CNTN4: variants seen among roughly 807,000 people sequenced by gnomAD.
CNTN4 encodes the protein contactin 4.
Under a neutral mutation model 122.5 loss-of-function variants are expected in CNTN4, and 77 were observed. The observed-to-expected ratio is 0.63, with a 90% CI of 0.52 to 0.76. The LOEUF (loss-of-function observed/expected upper bound fraction) is 0.76, where lower values mean the gene tolerates loss of function less well. Among genes scored for constraint, CNTN4 ranks in the 30% least tolerant of loss-of-function variants. The pLI is 0.00. For synonymous variants in CNTN4, 512 were observed against 447.0 expected, an observed-to-expected ratio of 1.15 and a Z score of -1.83; for missense variants, 1,256 against 1,259.1, an observed-to-expected ratio of 1.00 and a Z score of 0.04.
In CNTN4 at chr3:2,364,597, G is replaced by A. The variant is rs1283922263; in HGVS notation, c.-89+25364G>A. Among the ~76,000 whole-genome samples, 7 of 151,854 alleles carry A rather than the reference G, an allele frequency of 4.6e-5. No homozygotes were observed. The South Asian group carries it at 1.0e-3, about 23-fold the overall frequency. On this transcript the variant is annotated intron_variant, in intron 3 of 24. Coordinates refer to ENST00000418658, the MANE Select transcript of CNTN4 (RefSeq NM_175607.3). ...TCTCTTTTAATCTAGTTGAGTCCCC[G>A]GAGAACAGTTAAATAGTTATAGTGC...
intron 7 of CNTN4, among the ~76,000 whole-genome samples, chr3:2,831,432 C>T (rs1233469919): frequency 6.6e-6 from 1 of 152,176 alleles, no homozygotes; most frequent in Non-Finnish European, 1.5e-5. Context: ...CCAACTCTGT[C>T]TGCATTATGA....
At chr3:2,496,935 A>G (rs1282349084) in intron 3 of CNTN4, among the ~76,000 whole-genome samples, 1 of 152,148 alleles carries the variant, frequency 6.6e-6, no homozygotes, top group Non-Finnish European at 1.5e-5. Flanking sequence ...TGGAGCTCTG[A>G]TATCTAAAGG....
intron 4 of CNTN4, among the ~76,000 whole-genome samples, chr3:2,586,133 C>G (rs2616570): frequency 6.6e-6 from 1 of 151,830 alleles, no homozygotes. Context: ...TAAATTGGGT[C>G]AAGTAAGTGG....
rs547769633 is a variant in CNTN4 at position 2,837,911 on chromosome 3, C to T, written c.454+18330C>T. ...TTTCTCCTTTTATTTTCAACAAAGT[C>T]CCATGTACCCAGCAGCAATCTTTAA... is the stretch of plus-strand genomic sequence containing the variant. On this transcript the variant is annotated intron_variant, in intron 7 of 24. Coordinates refer to ENST00000418658, the MANE Select transcript of CNTN4 (RefSeq NM_175607.3). 3.0e-4 allele frequency among the ~76,000 whole-genome samples: 45 copies of T among 152,234 alleles called. 1 individual carries two copies. In the South Asian group the frequency reaches 8.9e-3, roughly 30 times the overall value.
intron 6 of CNTN4, among the ~76,000 whole-genome samples, chr3:2,804,033 C>T (rs1471829472): frequency 6.9e-6 from 1 of 144,346 alleles, no homozygotes; most frequent in Non-Finnish European, 1.5e-5. Flanking sequence ...CTGAACAATA[C>T]ATTATTTAGG....
chr3:2,449,969 A>G (rs2151348988), intron 3 of CNTN4, among the ~76,000 whole-genome samples: 1 of 152,298 alleles, frequency 6.6e-6, no homozygotes, highest in South Asian at 2.1e-4. Flanking sequence ...TTGTTGTTCA[A>G]TGGGTATAGA....
chr3:2,547,452 G>C (rs1476776732), intron 3 of CNTN4, among the ~76,000 whole-genome samples: 1 of 152,016 alleles, frequency 6.6e-6, no homozygotes, highest in African/African-American at 2.4e-5. Context: ...TTTTAGTAAA[G>C]ATGGGGTTTC....
intron 3 of CNTN4, among the ~76,000 whole-genome samples, chr3:2,390,715 A>G (rs907615942): frequency 6.6e-6 from 1 of 152,170 alleles, no homozygotes; most frequent in Non-Finnish European, 1.5e-5. Flanking sequence ...ACGTAAAACA[A>G]TGTTTGCAGA....
Position 2,808,640 on chromosome 3 carries a change from C to T in CNTN4, c.359-10846C>T, listed in dbSNP as rs116199411. ...AGGAGTTGTTTCATGTTTTCATCATCTCTGGCATTCCCTGGGGCAGGGGTG... is the reference window on the plus strand; with the variant it reads ...AGGAGTTGTTTCATGTTTTCATCATTTCTGGCATTCCCTGGGGCAGGGGTG... On this transcript the variant is annotated intron_variant, in intron 6 of 24. Coordinates refer to ENST00000418658, the MANE Select transcript of CNTN4 (RefSeq NM_175607.3). Among the ~76,000 whole-genome samples, 441 of 152,208 alleles carry T rather than the reference C, an allele frequency of 2.9e-3. 3 individuals carry two copies. The highest frequency in any genetic ancestry group is 0.01 in the African/African-American group (424 of 41,528).
At chr3:3,041,427 G>T (rs932964058) in intron 20 of CNTN4, among the ~76,000 whole-genome samples, 1 of 152,176 alleles carries the variant, frequency 6.6e-6, no homozygotes, top group African/African-American at 2.4e-5. Context: ...GAGGAAAAGG[G>T]GAAAAGGACA....
chr3:2,561,163 G>T (rs1181106604), intron 3 of CNTN4, among the ~76,000 whole-genome samples: 1 of 152,070 alleles, frequency 6.6e-6, no homozygotes, highest in Non-Finnish European at 1.5e-5. Context: ...AGAGTGTTTT[G>T]TGCTTACCTT....
At chr3:2,976,517 C>A (rs1051672204) in intron 13 of CNTN4, among the ~76,000 whole-genome samples, 6 of 152,100 alleles carry the variant, frequency 3.9e-5, no homozygotes, top group African/African-American at 1.4e-4. Flanking sequence ...ATTGCCACCA[C>A]AGAGACTACA....
chr3:2,758,972 G>A (rs2090464133), intron 6 of CNTN4, among the ~76,000 whole-genome samples: 2 of 152,024 alleles, frequency 1.3e-5, no homozygotes, highest in African/African-American at 4.8e-5. Flanking sequence ...GATAAAACCT[G>A]TAACCGTTAA....
intron 2 of CNTN4, among the ~76,000 whole-genome samples, chr3:2,231,618 A>G (rs999289677): frequency 3.3e-5 from 5 of 152,208 alleles, no homozygotes; most frequent in South Asian, 2.1e-4. Context: ...AATTTAAGAA[A>G]TGTACCTTAG....
At chr3:2,649,286 C>T (rs563310795) in intron 4 of CNTN4, among the ~76,000 whole-genome samples, 1 of 152,322 alleles carries the variant, frequency 6.6e-6, no homozygotes, top group Admixed American at 6.5e-5. Context: ...CCATCCAGGA[C>T]TTTGATAAGT....
intron 7 of CNTN4, among the ~76,000 whole-genome samples, chr3:2,820,216 G>T (rs190752743): frequency 2.6e-5 from 4 of 152,242 alleles, no homozygotes; most frequent in Admixed American, 2.6e-4. Flanking sequence ...TATAAAGTGG[G>T]ACTCCCATAA....
chr3:2,571,555 G>C lies in CNTN4; in HGVS notation c.52G>C (p.Ala18Pro). The C allele has an allele frequency of 6.2e-7, 1 of 1,612,278 alleles. No individual in the cohort carries two copies. The highest frequency in any genetic ancestry group is 8.5e-7 in the Non-Finnish European group (1 of 1,178,334). ...ACTGCAATCATTCATTTTGTGCCTT[G>C]CAGGTAGAGTGTCATTTTAAAACTT... Reference protein sequence around the residue: ...LVLQSFILCLADDSTLHGPIF... With the variant: ...LVLQSFILCLPDDSTLHGPIF... Residue 18 changes from alanine (A) to proline (P), a missense_variant, in exon 4 of 25, where the codon GCA (alanine) becomes CCA (proline). Coordinates refer to ENST00000418658, the MANE Select transcript of CNTN4 (RefSeq NM_175607.3).
chr3:2,518,936 C>A (rs1332997953), intron 3 of CNTN4, among the ~76,000 whole-genome samples: 1 of 152,008 alleles, frequency 6.6e-6, no homozygotes, highest in Non-Finnish European at 1.5e-5. Context: ...CTAAGTGCTT[C>A]TATATTAGGT....
At chr3:2,236,851 T>C (rs903160462) in intron 2 of CNTN4, among the ~76,000 whole-genome samples, 8 of 152,046 alleles carry the variant, frequency 5.3e-5, no homozygotes, top group African/African-American at 1.9e-4. Context: ...GCAAGGGAGA[T>C]CACATATCAA....
Sources: gnomAD v4.1 joint callset for allele counts (sites outside exome capture counted in the v4.1 genomes callset) on GRCh38, gnomAD v4.1.1 for gene constraint, MANE v1.5 for transcripts, NCBI Gene and HGNC (gene_info 2026-07-23, HGNC 2026-07-21) for gene names.